Variants in LRP4 observed in about 807,000 individuals in gnomAD.
LRP4 encodes low-density lipoprotein receptor-related protein 4.
Under a neutral mutation model 220.3 loss-of-function variants are expected in LRP4, and 95 were observed. That is an observed-to-expected ratio of 0.43 (90% CI 0.37 to 0.51). The LOEUF (loss-of-function observed/expected upper bound fraction) is 0.51, where lower values mean the gene tolerates loss of function less well. Among genes scored for constraint, LRP4 ranks in the 20% least tolerant of loss-of-function variants. The pLI is 0.00. For synonymous variants in LRP4, 903 were observed against 954.6 expected, an observed-to-expected ratio of 0.95 and a Z score of 1.00; for missense variants, 1,925 against 2,567.0, an observed-to-expected ratio of 0.75 and a Z score of 5.40.
Position 46,873,321 on chromosome 11 carries a change from C to T in LRP4, c.4448+54G>A. On this transcript the variant is annotated intron_variant, in intron 29 of 37. Transcript: ENST00000378623. This position sits in a 1 kb window ranked among gnomAD's most constrained non-coding sequence, Gnocchi z 4.2. ...AACACAGAGGACCCACTAACACCATCTTTCCACCCAGCCCTTCTTCCCTGG... is the reference window on the plus strand; with the variant it reads ...AACACAGAGGACCCACTAACACCATTTTTCCACCCAGCCCTTCTTCCCTGG... The T allele has an allele frequency of 3.1e-6, 5 of 1,612,362 alleles. No homozygotes were observed. The highest frequency in any genetic ancestry group is 3.4e-6 in the Non-Finnish European group (4 of 1,178,860).
chr11:46,912,852 C>T (rs1447148380), intron 1 of LRP4, among the ~76,000 whole-genome samples: 2 of 152,242 alleles, frequency 1.3e-5, no homozygotes, highest in East Asian at 1.9e-4. Context: ...AGGAGCTTCC[C>T]GGCTCCAGAA....
chr11:46,891,669 G>A (rs1311708936), intron 13 of LRP4, among the ~76,000 whole-genome samples: 1 of 152,024 alleles, frequency 6.6e-6, no homozygotes, highest in Non-Finnish European at 1.5e-5. Context: ...ATCCAGGAGT[G>A]CAGTGCCATA....
At chr11:46,910,679 C>CTTTTTTTT (rs1208053690) in intron 1 of LRP4, among the ~76,000 whole-genome samples, 1 of 6,992 alleles carries the variant, frequency 1.4e-4, no homozygotes, top group African/African-American at 3.9e-4. Flanking sequence ...ATCCTTGCCC[C>CTTTTTTTT]CTTTTTTTTT....
At chr11:46,894,305 A>G (rs1332056579) in intron 12 of LRP4, among the ~76,000 whole-genome samples, 1 of 152,246 alleles carries the variant, frequency 6.6e-6, no homozygotes, top group Non-Finnish European at 1.5e-5. Context: ...GCAAAGGCTG[A>G]TGGAGAACTC....
intron 2 of LRP4, 104 bp from the exon 3 acceptor site, chr11:46,900,482 C>CT (rs1258837347): frequency 1.0e-5 from 8 of 793,906 alleles, no homozygotes; most frequent in Non-Finnish European, 1.8e-5. Flanking sequence ...GTCTTTTTTT[C>CT]TTTTTTTGAG....
intron 2 of LRP4, among the ~76,000 whole-genome samples, chr11:46,901,836 C>A (rs745458564): frequency 1.3e-5 from 2 of 151,902 alleles, no homozygotes; most frequent in Non-Finnish European, 2.9e-5. Context: ...GGGTTTACAC[C>A]ATTCTCCTGC....
At position 46,877,194 on chromosome 11, in the gene LRP4, C is replaced by A. The variant is rs374900441; in HGVS notation, c.3277+5G>T. On this transcript the variant is annotated splice_donor_5th_base_variant and intron_variant, in intron 23 of 37. Transcript: ENST00000378623. Reference sequence around the variant, plus strand: ...GGCCAGGTGGGAAGAGAGGGCCATACAGACCTTCCTGGGGGTCTACTCCAA... The same window carrying A: ...GGCCAGGTGGGAAGAGAGGGCCATAAAGACCTTCCTGGGGGTCTACTCCAA... The A allele has an allele frequency of 1.5e-5, 25 of 1,613,708 alleles. No homozygotes were observed. In the African/African-American group the frequency reaches 1.9e-4, roughly 12 times the overall value.
chr11:46,866,167 A>T (rs1174751968), intron 34 of LRP4, among the ~76,000 whole-genome samples: 1 of 152,074 alleles, frequency 6.6e-6, no homozygotes, highest in Non-Finnish European at 1.5e-5. Context: ...CTAATTAGAA[A>T]AATGTCTAGA....
intron 7 of LRP4, among the ~76,000 whole-genome samples, chr11:46,897,334 C>CTTTTTTTTTTTTTCTTTTTTTTTT (rs1941555038): frequency 7.8e-6 from 1 of 128,084 alleles, no homozygotes; most frequent in Non-Finnish European, 1.6e-5. Flanking sequence ...GCCTGTTTGT[C>CTTTTTTTTTTTTTCTTTTTTTTTT]TTTTTTTTTT....
chr11:46,877,367 T>G (rs1941047560), intron 22 of LRP4, 28 bp from the exon 23 acceptor site: 1 of 1,613,508 alleles, frequency 6.2e-7, no homozygotes, highest in Non-Finnish European at 8.5e-7. Context: ...GGGAAGAGGA[T>G]CACTCGAGCA....
Position 46,875,167 on chromosome 11 carries a change from C to T in LRP4, c.3926-64G>A, listed in dbSNP as rs539181676. ...AACATCATCTGAATCTTACAAAGGT[C>T]CCAGTTGTTTGTGGCTGGCTCTTTG... On this transcript the variant is annotated intron_variant, in intron 27 of 37. Coordinates refer to ENST00000378623, the MANE Select transcript of LRP4 (RefSeq NM_002334.4). The surrounding 1 kb of genome is among the most constrained non-coding windows in gnomAD (Gnocchi z 4.5). The T allele has an allele frequency of 8.6e-4, 1,323 of 1,537,580 alleles. No individual in the cohort carries two copies. Among genetic ancestry groups the T allele is most frequent in the Non-Finnish European group, 1.1e-3 (1,252 of 1,128,472 alleles).
Position 46,889,933 on chromosome 11 carries a change from C to A in LRP4, c.2092+11G>T, listed in dbSNP as rs1941384010. 2 of 1,614,114 alleles carry A rather than the reference C, an allele frequency of 1.2e-6. No homozygotes were observed. The highest frequency in any genetic ancestry group is 1.7e-6 in the Non-Finnish European group (2 of 1,180,016). On this transcript the variant is annotated intron_variant, in intron 15 of 37. Transcript: ENST00000378623. ...AGGCTACTTTGGCTCACCCGGTGGG[C>A]AGTTTTTTACCTGCAGGTTGGCGCT...
Position 46,886,441 on chromosome 11 carries a change from C to T in LRP4, c.2308G>A (p.Ala770Thr), listed in dbSNP as rs1356449163. The T allele has an allele frequency of 3.7e-6, 6 of 1,613,956 alleles. No homozygotes were observed. In the African/African-American group the frequency reaches 6.7e-5, roughly 18 times the overall value. Residue 770 changes from alanine to threonine, a missense_variant, in exon 17 of 38, where the codon GCT (alanine) becomes ACT (threonine). Physicochemically the swap from Ala to Thr is moderately conservative, Grantham distance 58. This residue lies in a region of LRP4 where 1,244 missense variants were observed against 1,624.9 expected (regional missense o/e 0.77). Coordinates refer to ENST00000378623, the MANE Select transcript of LRP4 (RefSeq NM_002334.4). Reference sequence around the variant, plus strand: ...AGGGCCACAGCACTGCGCACGTCAGCCAGTGGGATGACATCATCAGACAGG... The same window carrying T: ...AGGGCCACAGCACTGCGCACGTCAGTCAGTGGGATGACATCATCAGACAGG... ...EDLSDDVIPL[A>T]DVRSAVALDW...
intron 35 of LRP4, 99 bp downstream of exon 35, chr11:46,865,020 A>G: frequency 9.6e-7 from 1 of 1,040,202 alleles, no homozygotes; most frequent in Non-Finnish European, 1.5e-6. Flanking sequence ...AAAAGAGTTC[A>G]TCAACCCCAG....
At chr11:46,862,792 G>T (rs764221824) in intron 36 of LRP4, 45 bp from the exon 37 acceptor site, 131 of 1,583,322 alleles carry the variant, frequency 8.3e-5, no homozygotes, top group South Asian at 2.3e-4. Context: ...ATCTTTAAGG[G>T]GATGATACCT....
At chr11:46,866,799 A>C (rs925831377) in intron 34 of LRP4, among the ~76,000 whole-genome samples, 10 of 152,154 alleles carry the variant, frequency 6.6e-5, no homozygotes, top group African/African-American at 2.4e-4. Context: ...ACACATTTAT[A>C]GTCCCGGCTA....
At chr11:46,877,675 C>T (rs988075591) in intron 22 of LRP4, among the ~76,000 whole-genome samples, 2 of 151,950 alleles carry the variant, frequency 1.3e-5, no homozygotes, top group Non-Finnish European at 2.9e-5. Context: ...CGTCATATTG[C>T]CCAGGCTGGT....
rs776588305 is a variant in LRP4, at chr11:46,875,941, C to T, written c.3562G>A (p.Glu1188Lys). 3 of 1,613,910 alleles carry T rather than the reference C, an allele frequency of 1.9e-6. No individual in the cohort carries two copies. Among genetic ancestry groups the T allele is most frequent in the Admixed American group, 1.7e-5 (1 of 60,002 alleles). ...CCGGACCGCTCTAACTTGGCATTCT[C>T]CCCCCAGTCTGTCCAGTACATAAAC... ...MGFMYWTDWG[E>K]NAKLERSGMD... is the part of the protein sequence containing the mutation. The change falls in exon 26 of 38, where the codon GAG becomes AAG. Residue 1188 changes from glutamate to lysine, a missense_variant. Glu to Lys is a moderately conservative substitution (Grantham distance 56). Around this residue, in one of 3 missense-constraint regions of LRP4, gnomAD observed 1,244 missense variants for 1,624.9 expected, o/e 0.77. Transcript: ENST00000378623. This position sits in a 1 kb window ranked among gnomAD's most constrained non-coding sequence, Gnocchi z 4.5.
At chr11:46,886,619 G>T in intron 16 of LRP4, 86 bp from the exon 17 acceptor site, 1 of 1,141,294 alleles carries the variant, frequency 8.8e-7, no homozygotes, top group Non-Finnish European at 1.3e-6. Flanking sequence ...CGTGACATCT[G>T]GTTCAATCAC....
Sources: gnomAD v4.1 joint callset for allele counts (sites outside exome capture counted in the v4.1 genomes callset) on GRCh38, gnomAD v4.1.1 for gene constraint, gnomAD v4.1.1 regional missense constraint, Gnocchi (gnomAD v3.1) non-coding constraint, MANE v1.5 for transcripts, NCBI Gene and HGNC (gene_info 2026-07-23, HGNC 2026-07-21) for gene names.